XIRP2: variants seen among roughly 807,000 people sequenced by gnomAD.
XIRP2 encodes the protein xin actin binding repeat containing 2.
A neutral mutation model predicts 277.0 loss-of-function variants in XIRP2; 236 were observed. The observed-to-expected ratio is 0.85, with a 90% confidence interval of 0.77 to 0.95. XIRP2 has a LOEUF of 0.95. Among genes scored for constraint, XIRP2 ranks in the 40% least tolerant of loss-of-function variants. The pLI is 0.00. For missense variants in XIRP2, 4,640 were observed against 4,157.5 expected, an observed-to-expected ratio of 1.12 and a Z score of -3.19; for synonymous variants, 1,490 against 1,416.5, an observed-to-expected ratio of 1.05 and a Z score of -1.17.
At chr2:167,103,485 A>G (rs1466102237) in intron 2 of XIRP2, among the ~76,000 whole-genome samples, 1 of 151,888 alleles carries the variant, frequency 6.6e-6, no homozygotes, top group Admixed American at 6.6e-5. Context: ...TTCTTGCTCA[A>G]AACAGCTTTC....
intron 2 of XIRP2, among the ~76,000 whole-genome samples, chr2:167,078,837 CAAAA>C (rs71031277): frequency 1.9e-4 from 24 of 127,200 alleles, no homozygotes; most frequent in Non-Finnish European, 1.8e-4. Flanking sequence ...GACTCCGTCT[CAAAA>C]AAAAAAAAAA....
At chr2:167,092,024 A>G (rs1470385799) in intron 2 of XIRP2, among the ~76,000 whole-genome samples, 1 of 152,172 alleles carries the variant, frequency 6.6e-6, no homozygotes, top group Non-Finnish European at 1.5e-5. Flanking sequence ...ATCCAGGTGA[A>G]GAAGGGAACC....
At chr2:167,086,877 C>A (rs1252878361) in intron 2 of XIRP2, among the ~76,000 whole-genome samples, 11 of 151,978 alleles carry the variant, frequency 7.2e-5, no homozygotes, top group Admixed American at 5.3e-4. Context: ...ACTTCTTTGC[C>A]TTTGGTCTGA....
At chr2:167,022,208 G>C (rs942757252) in intron 2 of XIRP2, among the ~76,000 whole-genome samples, 1 of 151,998 alleles carries the variant, frequency 6.6e-6, no homozygotes, top group Admixed American at 6.6e-5. Flanking sequence ...GAAATTGTAT[G>C]GGGAGCAATA....
intron 2 of XIRP2, among the ~76,000 whole-genome samples, chr2:166,951,504 A>C (rs1316146336): frequency 6.6e-6 from 1 of 151,988 alleles, no homozygotes; most frequent in Non-Finnish European, 1.5e-5. Flanking sequence ...GCTACTGCAC[A>C]GCAAGGTGGG....
At chr2:167,122,878 AC>A (rs1335788807) in intron 2 of XIRP2, among the ~76,000 whole-genome samples, 1 of 152,088 alleles carries the variant, frequency 6.6e-6, no homozygotes, top group East Asian at 1.9e-4. Flanking sequence ...GTTTGCATTT[AC>A]AGTTTTTTTA....
At chr2:166,924,088 T>C (rs1307167479) in intron 2 of XIRP2, among the ~76,000 whole-genome samples, 1 of 152,102 alleles carries the variant, frequency 6.6e-6, no homozygotes, top group Non-Finnish European at 1.5e-5. Context: ...AGTAGGTCAG[T>C]GGATATAGTT....
At chr2:166,907,721 G>A (rs941835422) in intron 2 of XIRP2, among the ~76,000 whole-genome samples, 71 of 150,786 alleles carry the variant, frequency 4.7e-4, no homozygotes, top group African/African-American at 1.5e-3. Flanking sequence ...TCATTAACTC[G>A]TCATTTACAT....
At chr2:167,229,915 A>T (rs1379369709) in intron 5 of XIRP2, among the ~76,000 whole-genome samples, 1 of 151,986 alleles carries the variant, frequency 6.6e-6, no homozygotes, top group South Asian at 2.1e-4. Flanking sequence ...TTTTTCTTGG[A>T]CTTGTTCTTT....
intron 2 of XIRP2, among the ~76,000 whole-genome samples, chr2:167,046,377 C>T (rs895114628): frequency 2.0e-5 from 3 of 151,762 alleles, no homozygotes; most frequent in Non-Finnish European, 4.4e-5. Context: ...AGGTATGTCA[C>T]TTTGATGCCT....
intron 3 of XIRP2, among the ~76,000 whole-genome samples, chr2:167,186,745 G>A (rs988198112): frequency 2.6e-5 from 4 of 151,688 alleles, no homozygotes; most frequent in Non-Finnish European, 5.9e-5. Context: ...TAATGAGCAG[G>A]ACTCACACAG....
At chr2:166,937,740 TA>T (rs1685561776) in intron 2 of XIRP2, among the ~76,000 whole-genome samples, 1 of 152,194 alleles carries the variant, frequency 6.6e-6, no homozygotes, top group Non-Finnish European at 1.5e-5. Context: ...ATTTTTTGGT[TA>T]GTAAGCTATT....
intron 2 of XIRP2, among the ~76,000 whole-genome samples, chr2:167,057,076 A>C (rs1371196909): frequency 1.3e-5 from 2 of 152,176 alleles, no homozygotes; most frequent in African/African-American, 4.8e-5. Flanking sequence ...GTGGATAAAA[A>C]GTAAAGTGCA....
At chr2:167,196,082 T>A (rs1693497557) in intron 3 of XIRP2, among the ~76,000 whole-genome samples, 1 of 152,102 alleles carries the variant, frequency 6.6e-6, no homozygotes, top group Non-Finnish European at 1.5e-5. Context: ...GTTCTGCACA[T>A]AAGCTAATAC....
chr2:167,117,725 G>A (rs1690934467), intron 2 of XIRP2, among the ~76,000 whole-genome samples: 1 of 152,176 alleles, frequency 6.6e-6, no homozygotes, highest in East Asian at 1.9e-4. Flanking sequence ...ATGTATGTGG[G>A]TTTGCAATAC....
At chr2:167,060,197 G>A (rs1689143374) in intron 2 of XIRP2, among the ~76,000 whole-genome samples, 1 of 151,968 alleles carries the variant, frequency 6.6e-6, no homozygotes, top group South Asian at 2.1e-4. Context: ...ATGATAACGG[G>A]GGAAAAAAAG....
chr2:167,117,716 T>C (rs545206457), intron 2 of XIRP2, among the ~76,000 whole-genome samples: 1 of 152,338 alleles, frequency 6.6e-6, no homozygotes, highest in Non-Finnish European at 1.5e-5. Context: ...CTCATCCTCA[T>C]GTATGTGGGT....
chr2:166,902,849 T>C (rs1684417185), intron 1 of XIRP2, among the ~76,000 whole-genome samples: 1 of 152,104 alleles, frequency 6.6e-6, no homozygotes, highest in Non-Finnish European at 1.5e-5. Context: ...TTTAATTTTC[T>C]TACCTGCAAA....
intron 2 of XIRP2, among the ~76,000 whole-genome samples, chr2:166,940,702 G>T (rs1251030836): frequency 1.3e-5 from 2 of 152,218 alleles, no homozygotes; most frequent in African/African-American, 2.4e-5. Flanking sequence ...GGAGTTTGCT[G>T]GAGGTCCACT....
Sources: gnomAD v4.1 joint callset for allele counts (sites outside exome capture counted in the v4.1 genomes callset) on GRCh38, gnomAD v4.1.1 for gene constraint, MANE v1.5 for transcripts, NCBI Gene and HGNC (gene_info 2026-07-23, HGNC 2026-07-21) for gene names.